Variants in MYO1D observed in about 807,000 individuals in gnomAD.
The protein encoded by MYO1D is myosin ID, also known as unconventional myosin-Id.
MYO1D carries 83 observed loss-of-function variants against 122.0 expected under a neutral mutation model. That is an observed-to-expected ratio of 0.68 (90% CI 0.57 to 0.82). The LOEUF (loss-of-function observed/expected upper bound fraction) is 0.82, where lower values mean the gene tolerates loss of function less well. Ranked by LOEUF, MYO1D falls within the 40% of genes least tolerant of loss-of-function variation. The probability of loss-of-function intolerance (pLI) is 0.00; values close to 1 mark genes in which losing one functional copy is unlikely to be tolerated. For missense variants in MYO1D, 1,157 were observed against 1,269.5 expected, an observed-to-expected ratio of 0.91 and a Z score of 1.35; for synonymous variants, 464 against 446.9, an observed-to-expected ratio of 1.04 and a Z score of -0.48.
intron 16 of MYO1D, among the ~76,000 whole-genome samples, chr17:32,667,310 A>G (rs60054409): frequency 0.056 from 8,586 of 152,266 alleles, 767 homozygotes; most frequent in African/African-American, 0.19. Context: ...TTCCATTTCT[A>G]TAAGGGACAA....
At chr17:32,540,377 A>G (rs555716154) in intron 21 of MYO1D, among the ~76,000 whole-genome samples, 8 of 151,382 alleles carry the variant, frequency 5.3e-5, no homozygotes, top group African/African-American at 1.9e-4. Flanking sequence ...CACAGAATAG[A>G]AAAAAACTTT....
At chr17:32,779,961 G>A (rs985095454) in intron 2 of MYO1D, among the ~76,000 whole-genome samples, 1 of 152,114 alleles carries the variant, frequency 6.6e-6, no homozygotes, top group African/African-American at 2.4e-5. Flanking sequence ...GGCCATCCTG[G>A]GTCAGTGAAC....
intron 21 of MYO1D, among the ~76,000 whole-genome samples, chr17:32,506,884 G>A (rs1189446632): frequency 6.6e-6 from 1 of 152,232 alleles, no homozygotes; most frequent in Non-Finnish European, 1.5e-5. Context: ...GGGAGGGTGA[G>A]GTGGGAGGGT....
intron 21 of MYO1D, among the ~76,000 whole-genome samples, chr17:32,501,827 G>A (rs1909328974): frequency 6.6e-6 from 1 of 152,196 alleles, no homozygotes; most frequent in Non-Finnish European, 1.5e-5. Flanking sequence ...TGAGTTCTGT[G>A]AGCAAATTAA....
chr17:32,605,597 G>C (rs2087617472), intron 20 of MYO1D, among the ~76,000 whole-genome samples: 1 of 152,114 alleles, frequency 6.6e-6, no homozygotes, highest in East Asian at 1.9e-4. Flanking sequence ...ATGAAACAGG[G>C]ATGGTTCTTT....
At chr17:32,781,285 A>G (rs975741873) in intron 1 of MYO1D, among the ~76,000 whole-genome samples, 2 of 152,236 alleles carry the variant, frequency 1.3e-5, no homozygotes, top group African/African-American at 4.8e-5. Context: ...TGGAGGAGAC[A>G]CTTCTGCTCT....
chr17:32,651,947 A>G (rs1007187581), intron 19 of MYO1D, among the ~76,000 whole-genome samples: 2 of 152,150 alleles, frequency 1.3e-5, no homozygotes, highest in Non-Finnish European at 2.9e-5. Flanking sequence ...AAGTGGTGGG[A>G]TTATAGGCAT....
chr17:32,822,418 G>C (rs73283749), intron 1 of MYO1D, among the ~76,000 whole-genome samples: 1 of 151,904 alleles, frequency 6.6e-6, no homozygotes, highest in East Asian at 1.9e-4. Flanking sequence ...AGCGCCGTCC[G>C]TCCGTTCGTC....
chr17:32,854,766 G>C (rs1228703309), intron 1 of MYO1D, among the ~76,000 whole-genome samples: 8 of 152,158 alleles, frequency 5.3e-5, no homozygotes, highest in Non-Finnish European at 1.2e-4. Context: ...AATAAACACA[G>C]GGTAAAGGTT....
intron 1 of MYO1D, among the ~76,000 whole-genome samples, chr17:32,808,058 A>G (rs1182234753): frequency 6.6e-6 from 1 of 152,108 alleles, no homozygotes; most frequent in African/African-American, 2.4e-5. Flanking sequence ...TCCTAACCCA[A>G]ACAAGCATTT....
chr17:32,537,241 C>T (rs1165101313), intron 21 of MYO1D, among the ~76,000 whole-genome samples: 1 of 152,142 alleles, frequency 6.6e-6, no homozygotes, highest in African/African-American at 2.4e-5. Flanking sequence ...ATATGAGGGC[C>T]ACGATTTATT....
At chr17:32,853,629 G>A (rs1171507292) in intron 1 of MYO1D, among the ~76,000 whole-genome samples, 5 of 152,168 alleles carry the variant, frequency 3.3e-5, no homozygotes, top group Non-Finnish European at 5.9e-5. Context: ...CAGGGGCAAG[G>A]GAAGGATTCT....
intron 16 of MYO1D, among the ~76,000 whole-genome samples, chr17:32,684,995 T>G (rs547670267): frequency 2.3e-4 from 35 of 152,170 alleles, no homozygotes; most frequent in Non-Finnish European, 4.9e-4. Flanking sequence ...GATTTTTTCA[T>G]GGAAAATTTC....
chr17:32,639,602 C>G (rs1256065458), intron 19 of MYO1D, among the ~76,000 whole-genome samples: 1 of 152,070 alleles, frequency 6.6e-6, no homozygotes, highest in East Asian at 1.9e-4. Context: ...GTGGCTCAAG[C>G]AGTGACTCAG....
At chr17:32,635,457 T>C (rs926073029) in intron 20 of MYO1D, among the ~76,000 whole-genome samples, 1 of 152,126 alleles carries the variant, frequency 6.6e-6, no homozygotes, top group Non-Finnish European at 1.5e-5. Context: ...TCCCAGCGCT[T>C]TGAGAGGCCA....
At chr17:32,516,651 T>C (rs1319295742) in intron 21 of MYO1D, among the ~76,000 whole-genome samples, 1 of 152,234 alleles carries the variant, frequency 6.6e-6, no homozygotes, top group Admixed American at 6.5e-5. Context: ...GGCTTGCCCT[T>C]GAGCGCAGAC....
rs1447377837 is a variant in MYO1D, at chr17:32,536,552, T to C, written c.2865-41637A>G. On this transcript the variant is annotated intron_variant, in intron 21 of 21. Coordinates refer to ENST00000318217, the MANE Select transcript of MYO1D (RefSeq NM_015194.3). ...CATAAATATGGCTGTTTGGCTTATATGAGTTATAGATCTTATGTGCTGGCT... is the reference window on the plus strand; with the variant it reads ...CATAAATATGGCTGTTTGGCTTATACGAGTTATAGATCTTATGTGCTGGCT... Among the ~76,000 whole-genome samples the C allele has an allele frequency of 3.9e-5, 6 of 152,356 alleles. No individual in the cohort carries two copies. In the East Asian group the frequency reaches 7.7e-4, roughly 20 times the overall value.
At chr17:32,737,997 A>G (rs975080556) in intron 14 of MYO1D, among the ~76,000 whole-genome samples, 1 of 152,234 alleles carries the variant, frequency 6.6e-6, no homozygotes, top group African/African-American at 2.4e-5. Context: ...TTCAAATCCA[A>G]GATTTTTCCC....
intron 17 of MYO1D, among the ~76,000 whole-genome samples, chr17:32,657,758 G>C (rs2088497139): frequency 6.6e-6 from 1 of 152,214 alleles, no homozygotes; most frequent in Admixed American, 6.5e-5. Context: ...AGTATTTGCT[G>C]AATGAGTACA....
Sources: allele counts gnomAD v4.1 joint callset (sites outside exome capture counted in the v4.1 genomes callset), GRCh38; gene constraint gnomAD v4.1.1; transcripts MANE v1.5; gene names NCBI Gene and HGNC (gene_info 2026-07-23, HGNC 2026-07-21).